ABCG1: variants seen among roughly 807,000 people sequenced by gnomAD.
ABCG1 encodes the protein ATP binding cassette subfamily G member 1, also known as ATP-binding cassette sub-family G member 1.
In ABCG1, 29 loss-of-function variants were observed where a neutral mutation model predicts 69.2. The ratio of observed to expected loss-of-function variants is 0.42; its 90% CI spans 0.31 to 0.57. ABCG1 has a LOEUF of 0.57. ABCG1 is among the 20% of genes least tolerant of loss of function. The probability of loss-of-function intolerance (pLI) is 0.15; values close to 1 mark genes in which losing one functional copy is unlikely to be tolerated. For synonymous variants in ABCG1, 370 were observed against 374.8 expected (o/e 0.99, Z 0.15); for missense variants, 718 against 898.1 (o/e 0.80, Z 2.56).
intron 2 of ABCG1, among the ~76,000 whole-genome samples, chr21:42,265,645 G>A (rs187425909): frequency 5.9e-5 from 9 of 152,170 alleles, no homozygotes; most frequent in African/African-American, 2.2e-4. Flanking sequence ...CAGCCTCCGG[G>A]GCTGTGAGAG....
intron 1 of ABCG1, among the ~76,000 whole-genome samples, chr21:42,224,735 G>T (rs189239288): frequency 6.6e-5 from 10 of 152,216 alleles, no homozygotes; most frequent in Admixed American, 6.5e-4. Context: ...GCTCCCCCAG[G>T]GTTCTTCTGT....
chr21:42,280,221 T>C (rs56155485), intron 5 of ABCG1, among the ~76,000 whole-genome samples: 32,135 of 152,202 alleles, frequency 0.21, 3,488 homozygotes, highest in South Asian at 0.3. Context: ...GCAGCAACTT[T>C]GTGCCTTCAC....
At chr21:42,268,716 C>T (rs1038382693) in intron 2 of ABCG1, among the ~76,000 whole-genome samples, 2 of 152,204 alleles carry the variant, frequency 1.3e-5, no homozygotes, top group Non-Finnish European at 2.9e-5. Context: ...ACCTCTGCAG[C>T]CCCAGTTGTG....
At chr21:42,208,291 T>C (rs147146220) in intron 2 of ABCG1, among the ~76,000 whole-genome samples, 16 of 151,602 alleles carry the variant, frequency 1.1e-4, no homozygotes, top group African/African-American at 3.4e-4. Context: ...ACTCAAACTC[T>C]GGGACATATG....
At chr21:42,283,841 C>CCCA (rs1555961776) in intron 6 of ABCG1, among the ~76,000 whole-genome samples, 1 of 62,196 alleles carries the variant, frequency 1.6e-5, no homozygotes, top group Non-Finnish European at 3.4e-5. Context: ...GCAAAGTCCC[C>CCCA]CCGCCCAGAT....
At chr21:42,220,030 T>G (rs2067698005) in intron 1 of ABCG1, 1 of 1,552,798 alleles carries the variant, frequency 6.4e-7, no homozygotes. Flanking sequence ...GCGAGTTCAC[T>G]GCTGGACACA....
rs372541377 is a variant in ABCG1, at chr21:42,291,222, C to T, written c.1494+30C>T. Reference sequence around the variant, plus strand: ...GTTAGCCAGGGGCTGGAATTTGAAACGGGGGCAAGAGTTCTCCTGTACACC... The same window carrying T: ...GTTAGCCAGGGGCTGGAATTTGAAATGGGGGCAAGAGTTCTCCTGTACACC... On this transcript the variant is annotated intron_variant, in intron 12 of 14. Transcript: ENST00000398449. The surrounding 1 kb of genome is among the most constrained non-coding windows in gnomAD (Gnocchi z 6.4). 1.9e-5 allele frequency: 30 copies of T among 1,553,984 alleles called. No homozygotes were observed. The highest frequency in any genetic ancestry group is 1.4e-4 in the African/African-American group (10 of 73,920).
chr21:42,270,259 C>CAAAAAAAAA (rs4006345), intron 2 of ABCG1, among the ~76,000 whole-genome samples: 1 of 87,178 alleles, frequency 1.1e-5, no homozygotes, highest in African/African-American at 4.8e-5. Context: ...GACTCAGTCT[C>CAAAAAAAAA]AAAAAAAAAA....
intron 2 of ABCG1, among the ~76,000 whole-genome samples, chr21:42,251,111 G>A (rs758259645): frequency 1.3e-5 from 2 of 152,156 alleles, no homozygotes; most frequent in Non-Finnish European, 2.9e-5. Flanking sequence ...ACGGTCGGTC[G>A]GTGACCTACC....
chr21:42,284,371 T>G (rs1033437288), intron 6 of ABCG1, among the ~76,000 whole-genome samples, 189 bp from the exon 7 acceptor site: 16 of 152,122 alleles, frequency 1.1e-4, no homozygotes, highest in Non-Finnish European at 1.9e-4. Context: ...TGCAAAGCCC[T>G]GCTGTGTGCC....
intron 13 of ABCG1, among the ~76,000 whole-genome samples, chr21:42,292,156 AC>A (rs900522608): frequency 6.6e-6 from 1 of 151,348 alleles, no homozygotes; most frequent in Non-Finnish European, 1.5e-5. Flanking sequence ...CAGGTTCTCT[AC>A]CTCTGTGGCT....
intron 10 of ABCG1, 116 bp from the exon 11 acceptor site, chr21:42,289,933 TA>T: frequency 8.7e-7 from 1 of 1,149,208 alleles, no homozygotes; most frequent in Non-Finnish European, 1.3e-6. Flanking sequence ...GGATAAAGTC[TA>T]AGACGTGCTG....
At position 42,259,495 on chromosome 21, in the gene ABCG1, G is replaced by A. The variant is rs750160459; in HGVS notation, c.287-11575G>A. 82 of 1,547,324 alleles carry A rather than the reference G, an allele frequency of 5.3e-5. No individual in the cohort carries two copies. The South Asian group carries it at 6.1e-4, about 11-fold the overall frequency. On this transcript the variant is annotated intron_variant, in intron 2 of 14. Transcript: ENST00000398449. ...ATTGTCATCATGCCCCCATCCAACCGTCCACTCAAGGTGCATTGACTGAGG... is the reference window on the plus strand; with the variant it reads ...ATTGTCATCATGCCCCCATCCAACCATCCACTCAAGGTGCATTGACTGAGG...
intron 14 of ABCG1, chr21:42,294,872 C>T (rs1475161966): frequency 1.8e-6 from 1 of 550,370 alleles, no homozygotes. Context: ...CCACACAAAC[C>T]AGCGCTTCAC....
At chr21:42,271,328 A>C (rs997353238) in intron 3 of ABCG1, 141 bp downstream of exon 3, 4 of 519,578 alleles carry the variant, frequency 7.7e-6, no homozygotes, top group Admixed American at 4.1e-5. Flanking sequence ...AGTGACATTG[A>C]GAGGCTGCAC....
At chr21:42,284,786 G>T in intron 7 of ABCG1, 103 bp downstream of exon 7, 1 of 1,456,642 alleles carries the variant, frequency 6.9e-7, no homozygotes, top group Non-Finnish European at 9.2e-7. Context: ...AGCTCGTGGG[G>T]CGTCTTCATG....
chr21:42,251,689 A>G (rs2068224291), intron 2 of ABCG1, among the ~76,000 whole-genome samples: 1 of 152,156 alleles, frequency 6.6e-6, no homozygotes, highest in Non-Finnish European at 1.5e-5. Flanking sequence ...TGTGGAAAGA[A>G]GGCCTTGAAC....
At chr21:42,282,577 G>T (rs1038924536) in intron 6 of ABCG1, among the ~76,000 whole-genome samples, 158 bp downstream of exon 6, 8 of 152,234 alleles carry the variant, frequency 5.3e-5, no homozygotes, top group Non-Finnish European at 8.8e-5. Flanking sequence ...CTGGGCAGAA[G>T]AGCTGACTTA....
intron 5 of ABCG1, among the ~76,000 whole-genome samples, chr21:42,280,897 GC>G (rs2068796899): frequency 6.6e-6 from 1 of 152,200 alleles, no homozygotes; most frequent in Non-Finnish European, 1.5e-5. Flanking sequence ...CACCTTGCAC[GC>G]CCCCCACCCA....
Sources: allele counts gnomAD v4.1 joint callset (sites outside exome capture counted in the v4.1 genomes callset), GRCh38; gene constraint gnomAD v4.1.1; non-coding constraint Gnocchi (gnomAD v3.1); transcripts MANE v1.5; gene names NCBI Gene and HGNC (gene_info 2026-07-23, HGNC 2026-07-21).